TRMT11: variants seen among roughly 807,000 people sequenced by gnomAD.
TRMT11 encodes tRNA methyltransferase 11.
A neutral mutation model predicts 62.8 loss-of-function variants in TRMT11; 53 were observed. The ratio of observed to expected loss-of-function variants is 0.84; its 90% CI spans 0.68 to 1.06. TRMT11 has a LOEUF of 1.06. Among genes scored for constraint, TRMT11 ranks in the 50% least tolerant of loss-of-function variants. The probability of loss-of-function intolerance (pLI) is 0.00; values close to 1 mark genes in which losing one functional copy is unlikely to be tolerated. For synonymous variants in TRMT11, 188 were observed against 190.3 expected (o/e 0.99, Z 0.10); for missense variants, 556 against 553.4 (o/e 1.00, Z -0.05).
At chr6:126,003,430 A>G (rs1198690133) in intron 7 of TRMT11, among the ~76,000 whole-genome samples, 3 of 152,034 alleles carry the variant, frequency 2.0e-5, no homozygotes, top group Non-Finnish European at 4.4e-5. Flanking sequence ...TGAAGAGTGT[A>G]TGCATATGCA....
chr6:126,093,294 C>A (rs1415921436), intron 17 of TRMT11, among the ~76,000 whole-genome samples: 9 of 151,706 alleles, frequency 5.9e-5, no homozygotes, highest in Non-Finnish European at 5.9e-5. Flanking sequence ...ACTTCAGACA[C>A]CTGAGAGACA....
At chr6:126,030,897 T>C (rs536355241) in intron 12 of TRMT11, among the ~76,000 whole-genome samples, 51 of 152,318 alleles carry the variant, frequency 3.3e-4, no homozygotes, top group African/African-American at 1.2e-3. Context: ...TTGTTAGATA[T>C]TTTCACTGAA....
intron 17 of TRMT11, among the ~76,000 whole-genome samples, chr6:126,068,721 A>G (rs940197673): frequency 1.3e-5 from 2 of 152,230 alleles, no homozygotes; most frequent in Admixed American, 6.5e-5. Flanking sequence ...TCAAGAGCGT[A>G]TCGGCTATTC....
At position 125,998,265 on chromosome 6, in the gene TRMT11, C is replaced by A; in HGVS notation, c.337C>A (p.His113Asn). Reference protein sequence around the residue: ...HSDSTYKIKIHTFNKTLTQEE... With the variant: ...HSDSTYKIKINTFNKTLTQEE... ...GGACTCTACATATAAAATAAAGATT[C>A]ACACTTTTAATAAGACATTGACACA... Residue 113 changes from histidine to asparagine, a missense_variant, in exon 5 of 13, where the codon CAC becomes AAC. Coordinates refer to ENST00000334379, the MANE Select transcript of TRMT11 (RefSeq NM_001031712.3). 1 of 1,602,484 alleles carries A rather than the reference C, an allele frequency of 6.2e-7. No individual in the cohort carries two copies. Among genetic ancestry groups the A allele is most frequent in the East Asian group, 2.2e-5 (1 of 44,792 alleles).
upstream of TRMT11, among the ~76,000 whole-genome samples, chr6:126,175,943 T>C (rs993744): frequency 0.014 from 2,161 of 152,308 alleles, 29 homozygotes; most frequent in Non-Finnish European, 0.021. Flanking sequence ...AAAGACACCC[T>C]GGGTCTCCTT....
intron 21 of TRMT11, among the ~76,000 whole-genome samples, chr6:126,143,796 A>C (rs1256776267): frequency 6.6e-6 from 1 of 152,212 alleles, no homozygotes; most frequent in East Asian, 1.9e-4. Flanking sequence ...GGCTGCATAC[A>C]TAAGCTTTGT....
the TRMT11 span, among the ~76,000 whole-genome samples, chr6:126,216,241 G>T: frequency 6.6e-6 from 1 of 151,934 alleles, no homozygotes; most frequent in African/African-American, 2.4e-5. Flanking sequence ...ATGTTTGAAG[G>T]CTATTTTCAC....
At chr6:126,210,728 A>G in the TRMT11 span, among the ~76,000 whole-genome samples, 1 of 152,212 alleles carries the variant, frequency 6.6e-6, no homozygotes, top group Non-Finnish European at 1.5e-5. Flanking sequence ...TGTTCAAATC[A>G]AACTTATGTT....
chr6:125,988,950 T>G (rs1326111708), intron 1 of TRMT11, among the ~76,000 whole-genome samples: 1 of 152,064 alleles, frequency 6.6e-6, no homozygotes, highest in Non-Finnish European at 1.5e-5. Context: ...TGAAGAGGAT[T>G]GGAAAGCCCC....
the TRMT11 span, among the ~76,000 whole-genome samples, chr6:126,210,503 A>T: frequency 6.6e-6 from 1 of 152,352 alleles, no homozygotes; most frequent in Non-Finnish European, 1.5e-5. Context: ...CTCCTGACCC[A>T]TGGAAATTGA....
At chr6:126,166,441 TTGTC>T (rs1424775955) in intron 21 of TRMT11, among the ~76,000 whole-genome samples, 1 of 152,184 alleles carries the variant, frequency 6.6e-6, no homozygotes, top group Non-Finnish European at 1.5e-5. Context: ...CAGACCCTGT[TTGTC>T]TGGGTATCAC....
chr6:126,219,132 C>T, the TRMT11 span, among the ~76,000 whole-genome samples: 155 of 152,184 alleles, frequency 1.0e-3, no homozygotes, highest in African/African-American at 3.5e-3. Flanking sequence ...TGTTCAGTGC[C>T]CTTTTCAGTA....
At chr6:126,038,450 AAAAG>A (rs566312788) in intron 12 of TRMT11, among the ~76,000 whole-genome samples, 8,221 of 150,480 alleles carry the variant, frequency 0.055, 304 homozygotes, top group Middle Eastern at 0.09. Context: ...AAAAAAAAAA[AAAAG>A]AAAAAAAGAA....
intron 7 of TRMT11, among the ~76,000 whole-genome samples, chr6:126,001,034 C>G (rs1330715445): frequency 6.6e-6 from 1 of 152,108 alleles, no homozygotes; most frequent in Non-Finnish European, 1.5e-5. Flanking sequence ...ATAATCTTTT[C>G]TTTCCTGCAT....
intron 21 of TRMT11, among the ~76,000 whole-genome samples, chr6:126,140,923 T>C (rs991117767): frequency 6.6e-6 from 1 of 152,048 alleles, no homozygotes; most frequent in African/African-American, 2.4e-5. Flanking sequence ...AATTAAAAAA[T>C]GCTTCGAATT....
At chr6:126,136,040 A>T (rs1777845811) in intron 21 of TRMT11, among the ~76,000 whole-genome samples, 5 of 151,742 alleles carry the variant, frequency 3.3e-5, no homozygotes, top group Admixed American at 3.3e-4. Context: ...ATACAGAAAG[A>T]GTAAACATTG....
chr6:125,997,938 C>T (rs1349691672), intron 3 of TRMT11, 115 bp from the exon 4 acceptor site: 2 of 737,328 alleles, frequency 2.7e-6, no homozygotes, highest in Non-Finnish European at 4.6e-6. Flanking sequence ...TTATACTTTG[C>T]AAAACATAGG....
intron 7 of TRMT11, among the ~76,000 whole-genome samples, chr6:126,002,779 A>G (rs1483019025): frequency 6.6e-6 from 1 of 152,058 alleles, no homozygotes; most frequent in East Asian, 1.9e-4. Context: ...TCTCCCACCT[A>G]TCCTAGGTGA....
At chr6:126,056,443 G>T (rs1776376584) in intron 17 of TRMT11, among the ~76,000 whole-genome samples, 1 of 152,172 alleles carries the variant, frequency 6.6e-6, no homozygotes, top group Admixed American at 6.5e-5. Context: ...CCAGTTTTCA[G>T]ATCCTCTCTT....
Sources: allele counts gnomAD v4.1 joint callset (sites outside exome capture counted in the v4.1 genomes callset), GRCh38; gene constraint gnomAD v4.1.1; transcripts MANE v1.5; gene names NCBI Gene and HGNC (gene_info 2026-07-23, HGNC 2026-07-21).